Variants in UNC13B observed in about 807,000 individuals in gnomAD.
UNC13B encodes the protein unc-13 homolog B, also known as protein unc-13 homolog B.
In UNC13B, 144 loss-of-function variants were observed where a neutral mutation model predicts 211.0. The ratio of observed to expected loss-of-function variants is 0.68; its 90% CI spans 0.60 to 0.78. The LOEUF (loss-of-function observed/expected upper bound fraction) is 0.78. Ranked by LOEUF, UNC13B falls within the 30% of genes least tolerant of loss-of-function variation. The pLI is 0.00. For missense variants in UNC13B, 1,777 were observed against 2,002.0 expected (o/e 0.89, Z 2.14); for synonymous variants, 709 against 725.8 (o/e 0.98, Z 0.37).
intron 1 of UNC13B, among the ~76,000 whole-genome samples, chr9:35,171,753 T>C (rs1032688740): frequency 3.9e-5 from 6 of 152,216 alleles, no homozygotes; most frequent in Admixed American, 1.3e-4. Context: ...TTCCACTTGA[T>C]GTGTGTGGCA....
intron 1 of UNC13B, among the ~76,000 whole-genome samples, chr9:35,174,458 G>T (rs1256889936): frequency 1.3e-5 from 2 of 151,978 alleles, no homozygotes; most frequent in African/African-American, 4.8e-5. Flanking sequence ...CCAAGTAACT[G>T]GGACTACAGG....
At chr9:35,245,986 A>AT (rs1281271945) in intron 6 of UNC13B, among the ~76,000 whole-genome samples, 1 of 152,024 alleles carries the variant, frequency 6.6e-6, no homozygotes, top group African/African-American at 2.4e-5. Flanking sequence ...AAGTGTTCCT[A>AT]TTTCTCCACA....
chr9:35,402,368 G>T (rs1026615622), intron 37 of UNC13B, among the ~76,000 whole-genome samples: 7 of 148,738 alleles, frequency 4.7e-5, no homozygotes, highest in African/African-American at 2.5e-5. Flanking sequence ...TGCAAGCTCC[G>T]CCTCCCAGGT....
intron 6 of UNC13B, among the ~76,000 whole-genome samples, chr9:35,254,970 TTA>T (rs1025069223): frequency 8.2e-6 from 1 of 122,150 alleles, no homozygotes; most frequent in Non-Finnish European, 1.6e-5. Flanking sequence ...ATATATTATA[TTA>T]TATATTAATA....
At chr9:35,372,271 CCAAA>C (rs572411831) in intron 13 of UNC13B, among the ~76,000 whole-genome samples, 10 of 152,302 alleles carry the variant, frequency 6.6e-5, no homozygotes, top group South Asian at 4.1e-4. Context: ...GACTCTGTCT[CCAAA>C]CAAACAAACA....
intron 6 of UNC13B, among the ~76,000 whole-genome samples, chr9:35,246,460 C>A (rs1277237744): frequency 6.6e-6 from 1 of 152,144 alleles, no homozygotes; most frequent in Admixed American, 6.5e-5. Context: ...CCTAGGTTTT[C>A]TTCTAGGGTT....
intron 11 of UNC13B, among the ~76,000 whole-genome samples, chr9:35,337,333 T>C (rs7031121): frequency 0.025 from 3,819 of 152,104 alleles, 176 homozygotes; most frequent in African/African-American, 0.087. Context: ...GAAGGTAAAA[T>C]AGATTATGGC....
intron 1 of UNC13B, among the ~76,000 whole-genome samples, chr9:35,181,189 T>G (rs1190417052): frequency 1.3e-5 from 2 of 152,198 alleles, no homozygotes; most frequent in African/African-American, 4.8e-5. Flanking sequence ...TTCAAAAAAT[T>G]TTCTCTAGTG....
chr9:35,178,645 C>A (rs1363597809), intron 1 of UNC13B, among the ~76,000 whole-genome samples: 3 of 151,980 alleles, frequency 2.0e-5, no homozygotes, highest in Non-Finnish European at 2.9e-5. Context: ...AATCCCAGCA[C>A]TTTGGGAGGC....
intron 7 of UNC13B, among the ~76,000 whole-genome samples, chr9:35,279,774 A>G (rs1196344396): frequency 6.6e-6 from 1 of 152,202 alleles, no homozygotes; most frequent in African/African-American, 2.4e-5. Context: ...AGGCTGTACT[A>G]TTTATATTCC....
At chr9:35,251,615 C>T (rs1258977080) in intron 6 of UNC13B, among the ~76,000 whole-genome samples, 1 of 151,998 alleles carries the variant, frequency 6.6e-6, no homozygotes, top group Non-Finnish European at 1.5e-5. Context: ...TAGGTATTAT[C>T]TTGTCTCACC....
At chr9:35,266,719 A>G (rs1433639263) in intron 7 of UNC13B, among the ~76,000 whole-genome samples, 3 of 152,150 alleles carry the variant, frequency 2.0e-5, no homozygotes, top group Non-Finnish European at 4.4e-5. Context: ...TTCTGCATTC[A>G]CTTTTATCCT....
At position 35,221,913 on chromosome 9, in the gene UNC13B, T is replaced by C. The variant is rs538533310; in HGVS notation, c.23-6102T>C. ...TTCAGTACCATTGTTAAAAAGATTA[T>C]CTTTTCCCTCAATTGAATTGCCTTG... On this transcript the variant is annotated intron_variant, in intron 1 of 39. Coordinates refer to ENST00000635942, the MANE Select transcript of UNC13B (RefSeq NM_001371189.2). Among the ~76,000 whole-genome samples the C allele has an allele frequency of 5.9e-5, 9 of 152,374 alleles. No individual in the cohort carries two copies. The South Asian group carries it at 1.2e-3, about 21-fold the overall frequency.
chr9:35,250,456 T>A (rs1035702386), intron 6 of UNC13B, among the ~76,000 whole-genome samples: 61 of 152,230 alleles, frequency 4.0e-4, no homozygotes, highest in African/African-American at 1.4e-3. Context: ...CTTAGCATAA[T>A]GTTTTCAAGG....
At chr9:35,287,454 A>G (rs1828863288) in intron 7 of UNC13B, among the ~76,000 whole-genome samples, 1 of 152,108 alleles carries the variant, frequency 6.6e-6, no homozygotes, top group Non-Finnish European at 1.5e-5. Flanking sequence ...CTCGCTAACA[A>G]TGTACAAGAG....
At chr9:35,199,357 G>A (rs1036519463) in intron 1 of UNC13B, among the ~76,000 whole-genome samples, 3 of 152,096 alleles carry the variant, frequency 2.0e-5, no homozygotes, top group Admixed American at 6.5e-5. Flanking sequence ...GGTATATGCC[G>A]AGTAATGGGA....
chr9:35,239,248 T>G (rs1357880332), intron 5 of UNC13B, among the ~76,000 whole-genome samples: 2 of 152,096 alleles, frequency 1.3e-5, no homozygotes, highest in African/African-American at 4.8e-5. Context: ...TCCTAAGTGT[T>G]GGCCGGTCTA....
Position 35,313,893 on chromosome 9 carries a change from T to A in UNC13B, c.9324-6T>A. 1 of 1,611,652 alleles carries A rather than the reference T, an allele frequency of 6.2e-7. No homozygotes were observed. The highest frequency in any genetic ancestry group is 1.1e-5 in the South Asian group (1 of 91,026). On this transcript the variant is annotated splice_polypyrimidine_tract_variant and splice_region_variant and intron_variant, in intron 10 of 39. Transcript: ENST00000635942. The stretch of plus-strand genomic sequence containing the variant: ...TTTAAGAAATGTACTTTTTCTCTGT[T>A]ACAAGTTTTCCTGAGGAGAATGCAT...
In UNC13B at chr9:35,305,292, C is replaced by A. The variant is rs546452946; in HGVS notation, c.5888C>A (p.Thr1963Lys). 1.3e-4 allele frequency: 52 copies of A among 398,916 alleles called. No individual in the cohort carries two copies. The highest frequency in any genetic ancestry group is 9.8e-4 in the African/African-American group (48 of 48,734). 24.7% of individuals were successfully genotyped at this position (398,916 alleles called of 1,614,324 possible). The change falls in exon 9 of 40, where the codon ACA becomes AAA. Residue 1963 changes from threonine to lysine, a missense_variant. Thr to Lys is a moderately conservative substitution (Grantham distance 78, BLOSUM62 -1). Coordinates refer to ENST00000635942, the MANE Select transcript of UNC13B (RefSeq NM_001371189.2). ...GSPNLEKIGDTNVKIPPQEKK... is the reference protein window; with the variant it reads ...GSPNLEKIGDKNVKIPPQEKK... ...CCAAACTTAGAAAAGATTGGTGATA[C>A]AAATGTCAAGATACCACCTCAAGAA...
Sources: allele counts gnomAD v4.1 joint callset (sites outside exome capture counted in the v4.1 genomes callset), GRCh38; gene constraint gnomAD v4.1.1; transcripts MANE v1.5; gene names NCBI Gene and HGNC (gene_info 2026-07-23, HGNC 2026-07-21).